The following STAG1 variants were observed in gnomAD, a reference collection of about 807,000 sequenced individuals.
STAG1 encodes cohesin subunit SA-1.
A neutral mutation model predicts 170.9 loss-of-function variants in STAG1; 26 were observed. That is an observed-to-expected ratio of 0.15 (90% CI 0.11 to 0.21). The LOEUF (loss-of-function observed/expected upper bound fraction) is 0.21. Among genes scored for constraint, STAG1 ranks in the 10% least tolerant of loss-of-function variants. The pLI is 1.00. For missense variants in STAG1, 964 were observed against 1,509.5 expected (o/e 0.64, Z 5.99); for synonymous variants, 514 against 497.7 (o/e 1.03, Z -0.44).
At chr3:136,611,044 T>C (rs1019531162) in intron 3 of STAG1, among the ~76,000 whole-genome samples, 6 of 152,216 alleles carry the variant, frequency 3.9e-5, no homozygotes, top group African/African-American at 1.4e-4. Flanking sequence ...TTTAGAATAT[T>C]TGCACATACA....
chr3:136,614,177 C>T (rs1349414485), intron 3 of STAG1, among the ~76,000 whole-genome samples: 1 of 152,180 alleles, frequency 6.6e-6, no homozygotes, highest in African/African-American at 2.4e-5. Flanking sequence ...GATTGTGCCA[C>T]TGCACTCCAG....
intron 20 of STAG1, among the ~76,000 whole-genome samples, chr3:136,420,210 A>G (rs944699913): frequency 4.0e-5 from 6 of 149,316 alleles, no homozygotes; most frequent in Admixed American, 1.4e-4. Flanking sequence ...TCGGGCCACT[A>G]CATTCCAGTC....
At chr3:136,410,068 T>TA (rs766763989) in intron 21 of STAG1, among the ~76,000 whole-genome samples, 13,249 of 92,946 alleles carry the variant, frequency 0.14, 2,131 homozygotes, top group African/African-American at 0.42. Context: ...AGTCCTTGTC[T>TA]AAAAAAAAAA....
intron 4 of STAG1, among the ~76,000 whole-genome samples, chr3:136,570,579 G>C (rs1182362268): frequency 6.6e-6 from 1 of 152,140 alleles, no homozygotes; most frequent in Non-Finnish European, 1.5e-5. Flanking sequence ...TTACACACAC[G>C]CATCAAGGCT....
intron 22 of STAG1, among the ~76,000 whole-genome samples, chr3:136,390,846 A>G (rs948309236): frequency 2.0e-5 from 3 of 152,172 alleles, no homozygotes; most frequent in South Asian, 2.1e-4. Flanking sequence ...AGAGAAAAGA[A>G]AGAGCTACAG....
chr3:136,703,136 A>C (rs997683382), intron 1 of STAG1, among the ~76,000 whole-genome samples: 1 of 152,074 alleles, frequency 6.6e-6, no homozygotes, highest in African/African-American at 2.4e-5. Flanking sequence ...AAGAAGCTCC[A>C]AGAAAAAGTT....
chr3:136,576,567 A>G (rs749223634), intron 4 of STAG1, among the ~76,000 whole-genome samples: 1 of 152,206 alleles, frequency 6.6e-6, no homozygotes, highest in Non-Finnish European at 1.5e-5. Context: ...CTTGTTCCAT[A>G]AGGAATATGA....
intron 28 of STAG1, 93 bp from the exon 29 acceptor site, chr3:136,349,456 C>T: frequency 1.1e-6 from 1 of 891,084 alleles, no homozygotes; most frequent in Non-Finnish European, 1.8e-6. Flanking sequence ...TCTGCAGGTT[C>T]TGAAGAATAC....
intron 1 of STAG1, among the ~76,000 whole-genome samples, chr3:136,691,678 G>A (rs1942727328): frequency 6.6e-6 from 1 of 152,194 alleles, no homozygotes; most frequent in South Asian, 2.1e-4. Flanking sequence ...CTTGTTTCAA[G>A]AAATTAGATG....
At chr3:136,394,669 C>T (rs534956909) in intron 22 of STAG1, among the ~76,000 whole-genome samples, 27 of 151,818 alleles carry the variant, frequency 1.8e-4, no homozygotes, top group Admixed American at 9.8e-4. Context: ...CACCTGTAAT[C>T]CCAGCAATTT....
At chr3:136,666,757 T>C (rs1289391742) in intron 1 of STAG1, among the ~76,000 whole-genome samples, 1 of 150,880 alleles carries the variant, frequency 6.6e-6, no homozygotes, top group African/African-American at 2.4e-5. Context: ...GAGGTGGAGG[T>C]TGCAGTGAGC....
intron 3 of STAG1, among the ~76,000 whole-genome samples, chr3:136,616,983 CAAT>C (rs1939630246): frequency 6.6e-6 from 1 of 152,030 alleles, no homozygotes; most frequent in African/African-American, 2.4e-5. Context: ...GTGTGAAAGG[CAAT>C]AATATATGTC....
intron 4 of STAG1, among the ~76,000 whole-genome samples, chr3:136,586,582 A>C (rs1356608906): frequency 3.3e-5 from 5 of 152,226 alleles, no homozygotes; most frequent in African/African-American, 1.2e-4. Context: ...AACTTCCTTC[A>C]AGGATCTAGC....
intron 3 of STAG1, among the ~76,000 whole-genome samples, chr3:136,620,969 A>G (rs1351511173): frequency 6.6e-6 from 1 of 152,198 alleles, no homozygotes; most frequent in African/African-American, 2.4e-5. Context: ...CTACTAAAAA[A>G]TACAAAAAAT....
chr3:136,581,421 A>T (rs186001934), intron 4 of STAG1, among the ~76,000 whole-genome samples: 1 of 152,340 alleles, frequency 6.6e-6, no homozygotes, highest in East Asian at 1.9e-4. Flanking sequence ...AAGTTATTTT[A>T]AAAAGATTTT....
chr3:136,381,345 A>T (rs1311146294), intron 22 of STAG1, among the ~76,000 whole-genome samples: 1 of 152,222 alleles, frequency 6.6e-6, no homozygotes. Context: ...GAAGAAATCT[A>T]AGAAATTATT....
chr3:136,341,383 C>G (rs550745995), intron 31 of STAG1, 58 bp downstream of exon 31: 316 of 1,151,256 alleles, frequency 2.7e-4, no homozygotes, highest in Non-Finnish European at 4.0e-4. Flanking sequence ...AGTCATTTCA[C>G]AAAATGATGG....
chr3:136,565,059 AGGGAGGGAGGG>A (rs1937015882), intron 5 of STAG1, among the ~76,000 whole-genome samples: 1 of 9,478 alleles, frequency 1.1e-4, no homozygotes, highest in Non-Finnish European at 1.9e-4. Flanking sequence ...GGAGGGAGGG[AGGGAGGGAGGG>A]AGGGAGGGAG....
intron 2 of STAG1, among the ~76,000 whole-genome samples, chr3:136,623,530 AC>A (rs1402356750): frequency 4.6e-5 from 7 of 152,190 alleles, no homozygotes; most frequent in African/African-American, 1.2e-4. Context: ...ACTGCAAAAG[AC>A]TAATTCTTCA....
Sources: gnomAD v4.1 joint callset for allele counts (sites outside exome capture counted in the v4.1 genomes callset) on GRCh38, gnomAD v4.1.1 for gene constraint, MANE v1.5 for transcripts, NCBI Gene and HGNC (gene_info 2026-07-23, HGNC 2026-07-21) for gene names.